ITGA11: variants seen among roughly 807,000 people sequenced by gnomAD.
ITGA11 encodes the protein integrin alpha-11.
A neutral mutation model predicts 141.9 loss-of-function variants in ITGA11; 97 were observed. That is an observed-to-expected ratio of 0.68 (90% CI 0.58 to 0.81). The LOEUF is 0.81. Among genes scored for constraint, ITGA11 ranks in the 30% least tolerant of loss-of-function variants. The probability of loss-of-function intolerance (pLI) is 0.00; values close to 1 mark genes in which losing one functional copy is unlikely to be tolerated. For missense variants in ITGA11, 1,387 were observed against 1,559.2 expected, an observed-to-expected ratio of 0.89 and a Z score of 1.86; for synonymous variants, 658 against 624.6, an observed-to-expected ratio of 1.05 and a Z score of -0.80.
chr15:68,348,592 C>T (rs1894810142), intron 10 of ITGA11, among the ~76,000 whole-genome samples: 1 of 152,184 alleles, frequency 6.6e-6, no homozygotes, highest in African/African-American at 2.4e-5. Flanking sequence ...GGAAGGATCA[C>T]CTGGGTGTTT....
At position 68,330,969 on chromosome 15, in the gene ITGA11, G is replaced by T. The variant is rs764630874; in HGVS notation, c.1901+12C>A. On this transcript the variant is annotated intron_variant, in intron 15 of 29. Transcript: ENST00000315757. ...GGAGAGCCCAGGAGGTGGGAACAGC[G>T]GGGGAACCAACCACAGAATCACAGC... 2.4e-5 allele frequency: 38 copies of T among 1,613,534 alleles called. No homozygotes were observed. In the South Asian group the frequency reaches 4.0e-4, roughly 17 times the overall value.
chr15:68,413,481 G>C (rs1266230542), intron 1 of ITGA11, among the ~76,000 whole-genome samples: 3 of 152,162 alleles, frequency 2.0e-5, no homozygotes, highest in Admixed American at 6.5e-5. Flanking sequence ...AGCCCCACTG[G>C]GCAGGCAACA....
chr15:68,427,596 G>T (rs1897174676), intron 1 of ITGA11, among the ~76,000 whole-genome samples: 1 of 152,158 alleles, frequency 6.6e-6, no homozygotes, highest in African/African-American at 2.4e-5. Flanking sequence ...GTGTGACTCA[G>T]ATCTTAAGTA....
intron 2 of ITGA11, among the ~76,000 whole-genome samples, chr15:68,388,038 G>A (rs1896028686): frequency 6.6e-6 from 1 of 152,070 alleles, no homozygotes; most frequent in Non-Finnish European, 1.5e-5. Flanking sequence ...CACCTGGATG[G>A]CCCTTGGATC....
rs377096057 is a variant in ITGA11 at position 68,321,406 on chromosome 15, G to A, written c.2408+12C>T. 2 of 1,550,638 alleles carry A rather than the reference G, an allele frequency of 1.3e-6. No homozygotes were observed. Among genetic ancestry groups the A allele is most frequent in the Non-Finnish European group, 1.7e-6 (2 of 1,143,508 alleles). On this transcript the variant is annotated intron_variant, in intron 19 of 29. Transcript: ENST00000315757. This position sits in a 1 kb window ranked among gnomAD's most constrained non-coding sequence, Gnocchi z 4.9. The stretch of plus-strand genomic sequence containing the variant: ...GAAGGGGCGAGGGTGGGGGTGGAAG[G>A]AGCCAACTCACATGGCCGTGGGCAG...
chr15:68,303,488 T>C lies in ITGA11; in HGVS notation c.3495+284A>G, dbSNP rs1486385974. Among the ~76,000 whole-genome samples the C allele has an allele frequency of 1.3e-5, 2 of 151,984 alleles. No individual in the cohort carries two copies. The highest frequency in any genetic ancestry group is 4.8e-5 in the African/African-American group (2 of 41,394). On this transcript the variant is annotated intron_variant, in intron 29 of 29. Coordinates refer to ENST00000315757, the MANE Select transcript of ITGA11 (RefSeq NM_001004439.2). The surrounding 1 kb of genome is among the most constrained non-coding windows in gnomAD (Gnocchi z 5.3). ...CGGGAGGTTTGTTAACAGCTTGACA[T>C]TGTGGGAGAAATTTTGTGCAGTTGT... is the stretch of plus-strand genomic sequence containing the variant.
chr15:68,352,439 C>T (rs142568986), intron 7 of ITGA11, among the ~76,000 whole-genome samples: 24 of 152,018 alleles, frequency 1.6e-4, no homozygotes, highest in Non-Finnish European at 2.9e-4. Flanking sequence ...GTGATCTGCC[C>T]GCCTCTGCCT....
chr15:68,400,951 T>TTATATATTATATAATA, intron 2 of ITGA11, among the ~76,000 whole-genome samples: 1 of 116,030 alleles, frequency 8.6e-6, no homozygotes, highest in African/African-American at 3.3e-5. Flanking sequence ...ATAAATATTA[T>TTATATATTATATAATA]AATATTATAT....
At chr15:68,387,053 G>T (rs996771912) in intron 2 of ITGA11, among the ~76,000 whole-genome samples, 1 of 152,140 alleles carries the variant, frequency 6.6e-6, no homozygotes, top group South Asian at 2.1e-4. Flanking sequence ...GAGGGGGAAA[G>T]GGAGGAGAAT....
intron 1 of ITGA11, among the ~76,000 whole-genome samples, chr15:68,427,124 A>G (rs1194654403): frequency 6.6e-6 from 1 of 150,502 alleles, no homozygotes; most frequent in Non-Finnish European, 1.5e-5. Context: ...TTAACTTCCT[A>G]TGTGTAACCT....
At position 68,425,420 on chromosome 15, in the gene ITGA11, A is replaced by G. The variant is rs111895274; in HGVS notation, c.52+6595T>C. On this transcript the variant is annotated intron_variant, in intron 1 of 29. Transcript: ENST00000315757. Reference sequence around the variant, plus strand: ...ATATGTGGTTTGAATAAACTCAGAGAACCCTGTCTACAAACTATTGATGGG... The same window carrying G: ...ATATGTGGTTTGAATAAACTCAGAGGACCCTGTCTACAAACTATTGATGGG... Among the ~76,000 whole-genome samples the G allele has an allele frequency of 2.7e-3, 405 of 152,346 alleles. 3 individuals are homozygous for G. Among genetic ancestry groups the G allele is most frequent in the African/African-American group, 9.5e-3 (393 of 41,566 alleles).
chr15:68,387,509 A>G (rs1279933140), intron 2 of ITGA11, among the ~76,000 whole-genome samples: 1 of 152,214 alleles, frequency 6.6e-6, no homozygotes, highest in East Asian at 1.9e-4. Context: ...CGATTTAGCA[A>G]GCGTTCCAGG....
Position 68,333,965 on chromosome 15 carries a change from G to A in ITGA11, c.1426-1487C>T, listed in dbSNP as rs753314286. Among the ~76,000 whole-genome samples the A allele has an allele frequency of 6.6e-6, 1 of 152,098 alleles. No homozygotes were observed. The highest frequency in any genetic ancestry group is 1.5e-5 in the Non-Finnish European group (1 of 68,010). The stretch of plus-strand genomic sequence containing the variant: ...TCTTGCATGCACTCCCCGCCCCTGC[G>A]TCCTCCCCAGACCATCCCCTGCCAT... On this transcript the variant is annotated intron_variant, in intron 12 of 29. Transcript: ENST00000315757. The surrounding 1 kb of genome is among the most constrained non-coding windows in gnomAD (Gnocchi z 4.2).
At chr15:68,306,174 A>T (rs575384697) in intron 28 of ITGA11, among the ~76,000 whole-genome samples, 1 of 148,624 alleles carries the variant, frequency 6.7e-6, no homozygotes, top group East Asian at 2.0e-4. Flanking sequence ...TGGGTGACAG[A>T]GCAAGACTCC....
At chr15:68,329,364 T>C (rs1417641866) in intron 15 of ITGA11, among the ~76,000 whole-genome samples, 1 of 152,200 alleles carries the variant, frequency 6.6e-6, no homozygotes, top group East Asian at 1.9e-4. Flanking sequence ...GAATTCTGCT[T>C]AATTGGTGTG....
chr15:68,428,745 G>T (rs1897201394), intron 1 of ITGA11, among the ~76,000 whole-genome samples: 1 of 152,088 alleles, frequency 6.6e-6, no homozygotes, highest in African/African-American at 2.4e-5. Context: ...CTTTCTGTTG[G>T]GTAGGACCCC....
intron 10 of ITGA11, among the ~76,000 whole-genome samples, chr15:68,347,661 G>A (rs1386499264): frequency 6.6e-6 from 1 of 152,148 alleles, no homozygotes; most frequent in African/African-American, 2.4e-5. Context: ...CGGAGCAGCT[G>A]CTTGGTGTAG....
At position 68,325,770 on chromosome 15, in the gene ITGA11, T is replaced by C. The variant is rs1893954629; in HGVS notation, c.2212-529A>G. Among the ~76,000 whole-genome samples, 6 of 152,238 alleles carry C rather than the reference T, an allele frequency of 3.9e-5. No homozygotes were observed. On this transcript the variant is annotated intron_variant, in intron 17 of 29. Coordinates refer to ENST00000315757, the MANE Select transcript of ITGA11 (RefSeq NM_001004439.2). This position sits in a 1 kb window ranked among gnomAD's most constrained non-coding sequence, Gnocchi z 5.5. Reference sequence around the variant, plus strand: ...GTGAGCAAGACAGGGGCGCTCAGGTTGGTTCTGAGCATAGATGGTAAGTAA... The same window carrying C: ...GTGAGCAAGACAGGGGCGCTCAGGTCGGTTCTGAGCATAGATGGTAAGTAA...
At chr15:68,330,324 G>A (rs1206532528) in intron 15 of ITGA11, among the ~76,000 whole-genome samples, 1 of 152,212 alleles carries the variant, frequency 6.6e-6, no homozygotes. Flanking sequence ...TACAGGCAAG[G>A]GAAAAAGACT....
Sources: gnomAD v4.1 joint callset for allele counts (sites outside exome capture counted in the v4.1 genomes callset) on GRCh38, gnomAD v4.1.1 for gene constraint, Gnocchi (gnomAD v3.1) non-coding constraint, MANE v1.5 for transcripts, NCBI Gene and HGNC (gene_info 2026-07-23, HGNC 2026-07-21) for gene names.